Variants in WRAP73 observed in about 807,000 individuals in gnomAD.
WRAP73 encodes the protein WD repeat-containing protein WRAP73.
A neutral mutation model predicts 59.6 loss-of-function variants in WRAP73; 55 were observed. The ratio of observed to expected loss-of-function variants is 0.92; its 90% CI spans 0.74 to 1.15. The LOEUF (loss-of-function observed/expected upper bound fraction) is 1.15. Ranked by LOEUF, WRAP73 falls within the 50% of genes most tolerant of loss-of-function variation. The probability of loss-of-function intolerance (pLI) is 0.00; values close to 1 mark genes in which losing one functional copy is unlikely to be tolerated. For synonymous variants in WRAP73, 265 were observed against 258.2 expected, an observed-to-expected ratio of 1.03 and a Z score of -0.25; for missense variants, 592 against 608.1, an observed-to-expected ratio of 0.97 and a Z score of 0.28.
chr1:3,638,328 C>T (rs985888415), intron 4 of WRAP73, among the ~76,000 whole-genome samples: 1 of 152,236 alleles, frequency 6.6e-6, no homozygotes, highest in African/African-American at 2.4e-5. Context: ...CCAGAGATGA[C>T]AGGCAAGACC....
At chr1:3,632,752 T>C (rs1644550316) in intron 9 of WRAP73, 1 of 280,836 alleles carries the variant, frequency 3.6e-6, no homozygotes, top group Non-Finnish European at 6.9e-6. Context: ...AGAACCATCA[T>C]CACAGCAGAA....
chr1:3,634,389 C>T (rs184725517), intron 8 of WRAP73: 55 of 159,196 alleles, frequency 3.5e-4, no homozygotes, highest in Non-Finnish European at 5.4e-4. Context: ...TGGCTCCCAG[C>T]GCAGTGCCCG....
chr1:3,631,680 C>A, intron 10 of WRAP73, 23 bp from the exon 11 acceptor site: 1 of 1,570,960 alleles, frequency 6.4e-7, no homozygotes, highest in South Asian at 1.1e-5. Flanking sequence ...GGACAGGGCA[C>A]CGGTGTCATC....
rs780964263 is a variant in WRAP73 at position 3,631,110 on chromosome 1, A to G, written c.1248T>C (p.Phe416=). The change falls in exon 12 of 12, where the codon TTT becomes TTC. Residue 416 remains phenylalanine (F), a synonymous_variant. Coordinates refer to ENST00000270708, the MANE Select transcript of WRAP73 (RefSeq NM_017818.4). ...AATGCCAGCACAGAGAGAGCACTGC[A>G]AAGTCGCCTAGAGAGAGACAGGTGG... ...MSVQVPGEGD[F]AVLSLCWHLS... 8.6e-5 allele frequency: 138 copies of G among 1,613,182 alleles called. No individual in the cohort carries two copies. The highest frequency in any genetic ancestry group is 2.5e-4 in the Admixed American group (15 of 60,002).
At chr1:3,636,174 T>G (rs756993840) in intron 5 of WRAP73, 144 bp from the exon 6 acceptor site, 4 of 660,584 alleles carry the variant, frequency 6.1e-6, no homozygotes, top group Non-Finnish European at 7.9e-6. Flanking sequence ...TGGAAATGCA[T>G]GAAATCCCTG....
intron 1 of WRAP73, among the ~76,000 whole-genome samples, chr1:3,649,264 G>A (rs1366440919): frequency 6.6e-6 from 1 of 152,160 alleles, no homozygotes; most frequent in Non-Finnish European, 1.5e-5. Flanking sequence ...CCCATGGAAC[G>A]AAGACCTCAA....
chr1:3,638,984 T>C, intron 3 of WRAP73, 162 bp from the exon 4 acceptor site: 2 of 668,980 alleles, frequency 3.0e-6, no homozygotes, highest in Non-Finnish European at 5.0e-6. Context: ...AATATTCAAA[T>C]GCGTATTTTA....
At chr1:3,647,765 A>G (rs1173982391) in intron 1 of WRAP73, among the ~76,000 whole-genome samples, 1 of 152,228 alleles carries the variant, frequency 6.6e-6, no homozygotes, top group Non-Finnish European at 1.5e-5. Flanking sequence ...CCAGGTTTTA[A>G]TATTGCTATA....
intron 3 of WRAP73, among the ~76,000 whole-genome samples, chr1:3,645,483 CCG>C (rs1491452237): frequency 1.4e-5 from 2 of 143,626 alleles, no homozygotes; most frequent in African/African-American, 5.1e-5. Context: ...GCGGGTTGCC[CCG>C]TGGTGTGCGC....
In WRAP73 at chr1:3,639,037, G is replaced by A; in HGVS notation, c.340-215C>T. The A allele has an allele frequency of 1.9e-6, 1 of 537,076 alleles. No individual in the cohort carries two copies. 33.3% of individuals were successfully genotyped at this position (537,076 alleles called of 1,614,324 possible). On this transcript the variant is annotated intron_variant, in intron 3 of 11. Transcript: ENST00000270708. The surrounding 1 kb of genome is among the most constrained non-coding windows in gnomAD (Gnocchi z 4.3). Reference sequence around the variant, plus strand: ...TTGGTGTTCTTGGTTTTCTGTTGTTGTTGTTTTATACCAAAATTGAGTGAC... The same window carrying A: ...TTGGTGTTCTTGGTTTTCTGTTGTTATTGTTTTATACCAAAATTGAGTGAC...
At chr1:3,649,356 G>A (rs897097366) in intron 1 of WRAP73, among the ~76,000 whole-genome samples, 5 of 152,212 alleles carry the variant, frequency 3.3e-5, no homozygotes, top group African/African-American at 1.2e-4. Context: ...TGTGGTAGAG[G>A]AGAAGAGAAT....
At chr1:3,636,566 C>T (rs1376020480) in intron 5 of WRAP73, 1 of 346,976 alleles carries the variant, frequency 2.9e-6, no homozygotes, top group Non-Finnish European at 5.6e-6. Context: ...GGTTGCTCTA[C>T]CTTAATGATG....
At chr1:3,634,690 C>A (rs1163561110) in intron 8 of WRAP73, 1 of 386,642 alleles carries the variant, frequency 2.6e-6, no homozygotes, top group Non-Finnish European at 4.9e-6. Flanking sequence ...GGCAGGAGAC[C>A]CTGGCCACTC....
At position 3,637,021 on chromosome 1, in the gene WRAP73, C is replaced by T. The variant is rs138221132; in HGVS notation, c.490G>A (p.Val164Ile). 2.4e-5 allele frequency: 38 copies of T among 1,613,642 alleles called. No individual in the cohort carries two copies. The highest frequency in any genetic ancestry group is 1.3e-4 in the African/African-American group (10 of 74,938). The change falls in exon 5 of 12, where the codon GTC becomes ATC. Residue 164 changes from valine (V) to isoleucine (I), a missense_variant. Physicochemically the swap from Val to Ile is conservative, Grantham distance 29 (BLOSUM62 3). Transcript: ENST00000270708. ...CGCAGGAGCTGCCAATCACTGCAGA[C>T]GAAGATGCTCACGTAATCTTTGCAG... Reference protein sequence around the residue: ...RDCKDYVSIFVCSDWQLLRHF... With the variant: ...RDCKDYVSIFICSDWQLLRHF...
intron 4 of WRAP73, among the ~76,000 whole-genome samples, chr1:3,637,640 GA>G (rs1644600888): frequency 6.6e-6 from 1 of 152,202 alleles, no homozygotes; most frequent in Non-Finnish European, 1.5e-5. Flanking sequence ...CTAGGAATTT[GA>G]AAGGAGCCCA....
intron 3 of WRAP73, among the ~76,000 whole-genome samples, chr1:3,641,620 A>G (rs1434976341): frequency 6.6e-6 from 1 of 152,224 alleles, no homozygotes; most frequent in East Asian, 1.9e-4. Context: ...AAGGGGCACG[A>G]GGAGCCCCAT....
In WRAP73 at chr1:3,646,577, A is replaced by C; in HGVS notation, c.339+89T>G. The C allele has an allele frequency of 9.1e-7, 1 of 1,095,528 alleles. No homozygotes were observed. The highest frequency in any genetic ancestry group is 1.3e-6 in the Non-Finnish European group (1 of 753,272). 67.9% of individuals were successfully genotyped at this position (1,095,528 alleles called of 1,614,324 possible). ...GGATAAGGGGAGACTAGCATACTCCAAACACACCCCCTCTCGCACTCCCCA... is the reference window on the plus strand; with the variant it reads ...GGATAAGGGGAGACTAGCATACTCCCAACACACCCCCTCTCGCACTCCCCA... On this transcript the variant is annotated intron_variant, in intron 3 of 11. Coordinates refer to ENST00000270708, the MANE Select transcript of WRAP73 (RefSeq NM_017818.4). The surrounding 1 kb of genome is among the most constrained non-coding windows in gnomAD (Gnocchi z 5.1).
At chr1:3,635,377 A>G (rs1212832508) in intron 6 of WRAP73, 83 bp from the exon 7 acceptor site, 6 of 1,567,636 alleles carry the variant, frequency 3.8e-6, no homozygotes, top group African/African-American at 2.7e-5. Context: ...GCAGAGTGAC[A>G]TTGGTGCAGA....
intron 8 of WRAP73, 199 bp downstream of exon 8, chr1:3,634,798 G>A: frequency 1.5e-6 from 1 of 673,238 alleles, no homozygotes; most frequent in Middle Eastern, 4.2e-4. Flanking sequence ...GCCCACTTCA[G>A]ACCCTTTGGG....
Sources: gnomAD v4.1 joint callset for allele counts (sites outside exome capture counted in the v4.1 genomes callset) on GRCh38, gnomAD v4.1.1 for gene constraint, Gnocchi (gnomAD v3.1) non-coding constraint, MANE v1.5 for transcripts, NCBI Gene and HGNC (gene_info 2026-07-23, HGNC 2026-07-21) for gene names.